Variants in CSTF2 observed in about 807,000 individuals in gnomAD.
The protein encoded by CSTF2 is cleavage stimulation factor subunit 2.
CSTF2 carries 8 observed loss-of-function variants against 45.4 expected under a neutral mutation model. The ratio of observed to expected loss-of-function variants is 0.18; its 90% CI spans 0.10 to 0.32. CSTF2 has a LOEUF of 0.32. Ranked by LOEUF, CSTF2 falls within the 10% of genes least tolerant of loss-of-function variation. CSTF2 has a pLI of 1.00. For synonymous variants in CSTF2, 155 were observed against 158.9 expected (o/e 0.98, Z 0.18); for missense variants, 253 against 477.1 (o/e 0.53, Z 4.38).
intron 13 of CSTF2, among the ~76,000 whole-genome samples, chrX:100,840,284 C>T (rs939781236): frequency 1.8e-5 from 2 of 112,087 alleles, no homozygotes; most frequent in African/African-American, 6.5e-5. Context: ...GGCTTCTATA[C>T]TGTTGTCATT....
intron 11 of CSTF2, among the ~76,000 whole-genome samples, chrX:100,836,810 C>T (rs2085011231): frequency 1.8e-5 from 2 of 112,293 alleles, no homozygotes; most frequent in Admixed American, 1.9e-4. Context: ...TAATAGCAGT[C>T]TTTTTCCTGG....
At chrX:100,828,934 T>C (rs1029509613) in intron 8 of CSTF2, among the ~76,000 whole-genome samples, 2 of 111,824 alleles carry the variant, frequency 1.8e-5, no homozygotes, top group Admixed American at 1.9e-4. Flanking sequence ...AATGTATGAG[T>C]AATGTGGACT....
intron 2 of CSTF2, among the ~76,000 whole-genome samples, chrX:100,821,877 T>C (rs1251290575): frequency 8.9e-6 from 1 of 111,959 alleles, no homozygotes. Flanking sequence ...GCGGATCACC[T>C]GGGGTCAGGA....
intron 8 of CSTF2, among the ~76,000 whole-genome samples, chrX:100,829,562 A>G (rs984007942): frequency 1.8e-5 from 2 of 111,527 alleles, no homozygotes; most frequent in African/African-American, 6.5e-5. Context: ...ATTAATATAC[A>G]AGCCTGTGGT....
chrX:100,822,305 C>T lies in CSTF2; in HGVS notation c.192C>T (p.Tyr64=). The T allele has an allele frequency of 8.3e-7, 1 of 1,209,995 alleles. No homozygotes were observed. The highest frequency in any genetic ancestry group is 1.1e-6 in the Non-Finnish European group (1 of 894,466). The change falls in exon 3 of 14, where the codon TAC becomes TAT. Residue 64 remains tyrosine (Y), a synonymous_variant. Transcript: ENST00000372972. ...GKPKGYGFCE[Y]QDQETALSAM... The stretch of plus-strand genomic sequence containing the variant: ...CAAAGGGTTATGGCTTCTGTGAATA[C>T]CAAGACCAAGAGACAGCACTTAGTG...
At chrX:100,832,982 C>T in intron 10 of CSTF2, 73 bp downstream of exon 10, 1 of 1,065,499 alleles carries the variant, frequency 9.4e-7, no homozygotes, top group Non-Finnish European at 1.2e-6. Flanking sequence ...ATAAAGAATG[C>T]TGGAACAGTA....
intron 7 of CSTF2, among the ~76,000 whole-genome samples, chrX:100,827,122 G>C (rs2084949377): frequency 8.9e-6 from 1 of 111,854 alleles, no homozygotes; most frequent in African/African-American, 3.2e-5. Context: ...AAAAACTAAT[G>C]TAGTTGTTAC....
In CSTF2 at chrX:100,833,304, AATGGAGGCCCGAGCG is replaced by A. The variant is rs772236747; in HGVS notation, c.1344_1358del (p.Ala452_Glu456del). 34 of 1,207,584 alleles carry A rather than the reference AATGGAGGCCCGAGCG, an allele frequency of 2.8e-5. No homozygotes were observed. Among genetic ancestry groups the A allele is most frequent in the South Asian group, 2.1e-4 (12 of 56,348 alleles). On this transcript the variant is annotated inframe_deletion, in exon 11 of 14. Coordinates refer to ENST00000372972, the MANE Select transcript of CSTF2 (RefSeq NM_001325.3). ...AGGCCCGTGCGATGGAAGCTCGTGCAATGGAGGCCCGAGCGATGGAGGCCCGTGCAATGGAAGTCC... is the reference window on the plus strand; with the variant it reads ...AGGCCCGTGCGATGGAAGCTCGTGCAATGGAGGCCCGTGCAATGGAAGTCC...
chrX:100,827,906 T>G, intron 7 of CSTF2, 134 bp from the exon 8 acceptor site: 1 of 423,907 alleles, frequency 2.4e-6, no homozygotes. Context: ...TCTCATTGCA[T>G]TGTTGAATAT....
chrX:100,837,363 A>G lies in CSTF2; in HGVS notation c.1525A>G (p.Met509Val), dbSNP rs1602373757. 1.7e-6 allele frequency: 2 copies of G among 1,209,663 alleles called. No individual in the cohort carries two copies. Among genetic ancestry groups the G allele is most frequent in the Non-Finnish European group, 2.2e-6 (2 of 893,986 alleles). Residue 509 changes from methionine to valine, a missense_variant, in exon 12 of 14, where the codon ATG becomes GTG. Physicochemically the swap from Met to Val is conservative, Grantham distance 21. Coordinates refer to ENST00000372972, the MANE Select transcript of CSTF2 (RefSeq NM_001325.3). ...RQVPVMQGTG[M>V]QGASIQGGSQ... ...GGTCCCAGTCATGCAGGGAACAGGA[A>G]TGCAAGGAGCAAGTATACAGGGTGG...
chrX:100,828,019 T>A (rs2084953929), intron 7 of CSTF2, 21 bp from the exon 8 acceptor site: 1 of 1,193,780 alleles, frequency 8.4e-7, no homozygotes, highest in African/African-American at 1.8e-5. Context: ...TGTTTTTTCT[T>A]GTCTGCCCTT....
chrX:100,833,061 G>A, intron 10 of CSTF2, 119 bp from the exon 11 acceptor site: 1 of 992,403 alleles, frequency 1.0e-6, no homozygotes. Flanking sequence ...AGTCTCATAT[G>A]TTAATAGCTG....
At position 100,826,637 on chromosome X, in the gene CSTF2, G is replaced by A. The variant is rs2084946692; in HGVS notation, c.706G>A (p.Gly236Arg). The A allele has an allele frequency of 8.3e-7, 1 of 1,208,148 alleles. No homozygotes were observed. The highest frequency in any genetic ancestry group is 2.2e-5 in the Admixed American group (1 of 45,652). The part of the protein sequence containing the change: ...PQAPQAQSLG[G>R]MHVNGAPPLM... ...TCTGTTTTTTTTGCTTGGTCAGGGT[G>A]GAATGCATGTCAATGGCGCACCTCC... The change falls in exon 7 of 14, where the codon GGA becomes AGA. Residue 236 changes from glycine to arginine, a missense_variant. Physicochemically the swap from Gly to Arg is moderately radical, Grantham distance 125. Transcript: ENST00000372972.
At chrX:100,834,366 T>G (rs2084995356) in intron 11 of CSTF2, among the ~76,000 whole-genome samples, 1 of 111,790 alleles carries the variant, frequency 8.9e-6, no homozygotes, top group African/African-American at 3.3e-5. Context: ...ATTTGGAAAT[T>G]AAGGCCCAAG....
In CSTF2 at chrX:100,838,231, C is replaced by G. The variant is rs200116124; in HGVS notation, c.1612-8C>G. On this transcript the variant is annotated splice_polypyrimidine_tract_variant and splice_region_variant and intron_variant, in intron 12 of 13. Transcript: ENST00000372972. ...AAACTCACTACCTTTTTTTTTTCCTCTGCACAGGCTGCTTTGATTATGCAG... is the reference window on the plus strand; with the variant it reads ...AAACTCACTACCTTTTTTTTTTCCTGTGCACAGGCTGCTTTGATTATGCAG... 2.6e-5 allele frequency: 29 copies of G among 1,127,984 alleles called. No individual in the cohort carries two copies. In the East Asian group the frequency reaches 9.2e-4, roughly 36 times the overall value. The allele number at this position is 1,127,984 out of a possible 1,213,427, so 93.0% of individuals were successfully genotyped here.
chrX:100,820,518 CTCT>C, intron 1 of CSTF2, 44 bp downstream of exon 1: 3 of 1,145,425 alleles, frequency 2.6e-6, no homozygotes, highest in Non-Finnish European at 3.6e-6. Flanking sequence ...AGGGACTCCC[CTCT>C]GCACCTTCTA....
intron 11 of CSTF2, among the ~76,000 whole-genome samples, chrX:100,834,024 A>G (rs1247250605): frequency 8.9e-6 from 1 of 111,952 alleles, no homozygotes; most frequent in Non-Finnish European, 1.9e-5. Context: ...GGAATGTGAA[A>G]GGCAGTTTAT....
intron 10 of CSTF2, 61 bp downstream of exon 10, chrX:100,832,970 G>T: frequency 9.2e-7 from 1 of 1,089,656 alleles, no homozygotes; most frequent in Non-Finnish European, 1.2e-6. Flanking sequence ...CTCTAATCTG[G>T]GATAAAGAAT....
intron 12 of CSTF2, among the ~76,000 whole-genome samples, 171 bp from the exon 13 acceptor site, chrX:100,838,067 AG>A (rs751928094): frequency 9.4e-6 from 1 of 106,025 alleles, no homozygotes; most frequent in African/African-American, 3.5e-5. Context: ...TTTTTTTTGG[AG>A]GGGGGCTGTT....
Sources: gnomAD v4.1 joint callset for allele counts (sites outside exome capture counted in the v4.1 genomes callset) on GRCh38, gnomAD v4.1.1 for gene constraint, MANE v1.5 for transcripts, NCBI Gene and HGNC (gene_info 2026-07-23, HGNC 2026-07-21) for gene names.